The following DCC variants were observed in gnomAD, a reference collection of about 807,000 sequenced individuals.
The protein encoded by DCC is DCC netrin 1 receptor.
A neutral mutation model predicts 172.5 loss-of-function variants in DCC; 58 were observed. That is an observed-to-expected ratio of 0.34 (90% CI 0.27 to 0.42). The LOEUF is 0.42. Among genes scored for constraint, DCC ranks in the 10% least tolerant of loss-of-function variants. The probability of loss-of-function intolerance (pLI) is 1.00; values close to 1 mark genes in which losing one functional copy is unlikely to be tolerated. For missense variants in DCC, 1,740 were observed against 1,791.0 expected (o/e 0.97, Z 0.51); for synonymous variants, 709 against 644.5 (o/e 1.10, Z -1.52).
chr18:53,255,322 T>G (rs1348968489), intron 12 of DCC, among the ~76,000 whole-genome samples: 2 of 150,680 alleles, frequency 1.3e-5, no homozygotes, highest in African/African-American at 2.4e-5. Context: ...CCATTAACTC[T>G]TCATTTAACA....
chr18:53,268,302 A>G (rs941306916), intron 12 of DCC, among the ~76,000 whole-genome samples: 2 of 152,212 alleles, frequency 1.3e-5, no homozygotes, highest in African/African-American at 4.8e-5. Context: ...ACACATACTT[A>G]TGTAAATAGA....
At chr18:52,366,779 C>T (rs1454467314) in intron 1 of DCC, among the ~76,000 whole-genome samples, 2 of 152,212 alleles carry the variant, frequency 1.3e-5, no homozygotes, top group Non-Finnish European at 2.9e-5. Context: ...TATTTACAAT[C>T]CCTGAGCTAG....
chr18:53,335,789 G>A (rs2057584699), intron 14 of DCC, among the ~76,000 whole-genome samples: 1 of 152,084 alleles, frequency 6.6e-6, no homozygotes, highest in Admixed American at 6.6e-5. Flanking sequence ...GAGGTTTAAT[G>A]GACTCACAGC....
At chr18:53,499,850 G>A (rs2046074725) in intron 27 of DCC, among the ~76,000 whole-genome samples, 1 of 152,078 alleles carries the variant, frequency 6.6e-6, no homozygotes, top group Admixed American at 6.5e-5. Context: ...TGAGTTCTAA[G>A]CGTTAAAGCT....
intron 12 of DCC, among the ~76,000 whole-genome samples, chr18:53,240,026 T>TAAAAAAAAAAAAAAAAAAAAAAAAAAAA (rs68158437): frequency 1.4e-5 from 1 of 69,072 alleles, no homozygotes; most frequent in Non-Finnish European, 3.0e-5. Context: ...GTTCTAGAGT[T>TAAAAAAAAAAAAAAAAAAAAAAAAAAAA]AAAAAAAAAA....
At chr18:52,707,578 G>A (rs1364273174) in intron 1 of DCC, among the ~76,000 whole-genome samples, 1 of 152,134 alleles carries the variant, frequency 6.6e-6, no homozygotes, top group Non-Finnish European at 1.5e-5. Flanking sequence ...GTTCATTCAA[G>A]GGCTATTCAC....
intron 7 of DCC, among the ~76,000 whole-genome samples, chr18:53,119,416 G>T (rs975738548): frequency 6.6e-6 from 1 of 151,676 alleles, no homozygotes; most frequent in Admixed American, 6.6e-5. Context: ...GATAGCATGA[G>T]GCTGACCAAG....
chr18:52,807,083 T>C (rs1020423502), intron 2 of DCC, among the ~76,000 whole-genome samples: 1 of 152,144 alleles, frequency 6.6e-6, no homozygotes, highest in Non-Finnish European at 1.5e-5. Context: ...TAGTCCCAGC[T>C]ACTCGGGAGG....
chr18:53,162,108 G>A (rs558158002), intron 8 of DCC, among the ~76,000 whole-genome samples: 5 of 152,052 alleles, frequency 3.3e-5, no homozygotes, highest in East Asian at 1.9e-4. Flanking sequence ...AGACCAGCCC[G>A]GCCAACATAA....
chr18:52,412,678 T>C (rs897513743), intron 1 of DCC, among the ~76,000 whole-genome samples: 4 of 152,144 alleles, frequency 2.6e-5, no homozygotes, highest in African/African-American at 9.7e-5. Context: ...CAGACTTGCA[T>C]ACTTCAATGG....
intron 1 of DCC, among the ~76,000 whole-genome samples, chr18:52,377,939 A>G (rs1008100718): frequency 2.0e-5 from 3 of 151,990 alleles, no homozygotes; most frequent in African/African-American, 4.8e-5. Flanking sequence ...ACCTCAAGTG[A>G]TCCCCCTGCC....
At chr18:52,533,664 G>C (rs970839335) in intron 1 of DCC, among the ~76,000 whole-genome samples, 12 of 152,182 alleles carry the variant, frequency 7.9e-5, no homozygotes, top group East Asian at 1.9e-4. Flanking sequence ...GATGATTTCA[G>C]GTCTTTGGCT....
intron 12 of DCC, among the ~76,000 whole-genome samples, chr18:53,279,232 G>A (rs1483281103): frequency 6.6e-6 from 1 of 151,956 alleles, no homozygotes; most frequent in East Asian, 1.9e-4. Context: ...CAATAGCAAA[G>A]ACTTGGAACC....
intron 1 of DCC, among the ~76,000 whole-genome samples, chr18:52,642,233 A>G (rs1162481388): frequency 1.3e-5 from 2 of 151,892 alleles, no homozygotes; most frequent in Non-Finnish European, 2.9e-5. Flanking sequence ...GGAAAACCAA[A>G]CATCATACGT....
intron 2 of DCC, among the ~76,000 whole-genome samples, chr18:52,900,256 C>A (rs2039791402): frequency 6.6e-6 from 1 of 152,148 alleles, no homozygotes; most frequent in African/African-American, 2.4e-5. Context: ...AATAAATGTT[C>A]TAGGAACAAA....
chr18:52,464,968 A>G (rs1466519872), intron 1 of DCC, among the ~76,000 whole-genome samples: 2 of 152,022 alleles, frequency 1.3e-5, no homozygotes, highest in Non-Finnish European at 2.9e-5. Context: ...TTTTCAAAAG[A>G]GGCTCAGACC....
chr18:52,342,616 G>A (rs1207900530), intron 1 of DCC, among the ~76,000 whole-genome samples: 4 of 152,174 alleles, frequency 2.6e-5, no homozygotes, highest in Admixed American at 6.5e-5. Flanking sequence ...AGACCTATGC[G>A]GACGGGAAAG....
Position 52,904,387 on chromosome 18 carries a change from C to T in DCC, c.413-1657C>T, listed in dbSNP as rs181877327. Among the ~76,000 whole-genome samples, 7 of 152,148 alleles carry T rather than the reference C, an allele frequency of 4.6e-5. No homozygotes were observed. The East Asian group carries it at 1.2e-3, about 25-fold the overall frequency. ...TATTTTGTGGTCCAAAACTCTAATCCCTAAAAGAGACGTAAAATTTCACCT... is the reference window on the plus strand; with the variant it reads ...TATTTTGTGGTCCAAAACTCTAATCTCTAAAAGAGACGTAAAATTTCACCT... On this transcript the variant is annotated intron_variant, in intron 2 of 28. Coordinates refer to ENST00000442544, the MANE Select transcript of DCC (RefSeq NM_005215.4).
At chr18:53,074,634 C>T (rs1260090757) in intron 7 of DCC, among the ~76,000 whole-genome samples, 7 of 151,968 alleles carry the variant, frequency 4.6e-5, no homozygotes, top group Non-Finnish European at 1.5e-5. Flanking sequence ...TTTTCTACTT[C>T]AAAGTCTCCC....
Sources: gnomAD v4.1 joint callset for allele counts (sites outside exome capture counted in the v4.1 genomes callset) on GRCh38, gnomAD v4.1.1 for gene constraint, MANE v1.5 for transcripts, NCBI Gene and HGNC (gene_info 2026-07-23, HGNC 2026-07-21) for gene names.